Variants in GFM1 observed in about 807,000 individuals in gnomAD.
The protein encoded by GFM1 is G elongation factor mitochondrial 1.
In GFM1, 62 loss-of-function variants were observed where a neutral mutation model predicts 96.2. The observed-to-expected ratio is 0.64, with a 90% CI of 0.53 to 0.80. GFM1 has a LOEUF of 0.80. Among genes scored for constraint, GFM1 ranks in the 30% least tolerant of loss-of-function variants. GFM1 has a pLI of 0.00. For synonymous variants in GFM1, 282 were observed against 312.9 expected, an observed-to-expected ratio of 0.90 and a Z score of 1.04; for missense variants, 852 against 916.6, an observed-to-expected ratio of 0.93 and a Z score of 0.91.
chr3:158,667,077 A>G (rs1216326702), intron 13 of GFM1: 2 of 1,577,304 alleles, frequency 1.3e-6, no homozygotes, highest in Non-Finnish European at 1.7e-6. Context: ...TTTCTTTGCT[A>G]TGACAAAAAA....
intron 4 of GFM1, among the ~76,000 whole-genome samples, chr3:158,647,211 T>A (rs960663880): frequency 6.6e-6 from 1 of 152,218 alleles, no homozygotes; most frequent in Non-Finnish European, 1.5e-5. Flanking sequence ...AGTCTGACCG[T>A]TTATACTGTT....
chr3:158,654,450 G>A (rs1256536825), intron 7 of GFM1, 97 bp from the exon 8 acceptor site: 6 of 756,398 alleles, frequency 7.9e-6, no homozygotes, highest in South Asian at 3.1e-5. Flanking sequence ...TCCCACACAC[G>A]TGCTTTTTCT....
chr3:158,647,725 T>C (rs1721946822), intron 4 of GFM1, among the ~76,000 whole-genome samples: 1 of 152,226 alleles, frequency 6.6e-6, no homozygotes, highest in East Asian at 1.9e-4. Context: ...TAAATTGTTT[T>C]TAGTTTTTAT....
Position 158,691,350 on chromosome 3 carries a change from C to T in GFM1, c.2139C>T (p.Tyr713=), listed in dbSNP as rs1380540385. 4 of 1,613,504 alleles carry T rather than the reference C, an allele frequency of 2.5e-6. No individual in the cohort carries two copies. In the South Asian group the frequency reaches 4.4e-5, roughly 18 times the overall value. Residue 713 remains tyrosine, a synonymous_variant, in exon 18 of 18, where the codon TAC becomes TAT. Transcript: ENST00000486715. ...LRSCTEGKGE[Y]TMEYSRYQPC... ...TAAATCCCTAGGGAAAGGGAGAATACACAATGGAGTATAGCAGGTATCAGC... is the reference window on the plus strand; with the variant it reads ...TAAATCCCTAGGGAAAGGGAGAATATACAATGGAGTATAGCAGGTATCAGC...
At chr3:158,666,873 T>C (rs1457672371) in intron 13 of GFM1, 1 of 1,445,498 alleles carries the variant, frequency 6.9e-7, no homozygotes, top group Non-Finnish European at 9.4e-7. Context: ...ATTGCTGCAA[T>C]TATAATATAC....
intron 13 of GFM1, chr3:158,672,590 G>T (rs1724453356): frequency 1.5e-6 from 2 of 1,334,842 alleles, no homozygotes; most frequent in Admixed American, 1.9e-5. Context: ...CGGAAAAGTC[G>T]CAAGCTCCTT....
chr3:158,660,958 A>C lies in GFM1; in HGVS notation c.1306A>C (p.Asn436His), dbSNP rs1204352561. The change falls in exon 10 of 18, where the codon AAC becomes CAC. Residue 436 changes from asparagine to histidine, a missense_variant. Coordinates refer to ENST00000486715, the MANE Select transcript of GFM1 (RefSeq NM_024996.7). ...TGGAGACACATTCACAGACAAAGCC[A>C]ACAGCGGCCTTTCTATGGTAAGCCA... ...ASGDTFTDKA[N>H]SGLSMESIHV... 2 of 1,613,542 alleles carry C rather than the reference A, an allele frequency of 1.2e-6. No individual in the cohort carries two copies. Among genetic ancestry groups the C allele is most frequent in the East Asian group, 4.5e-5 (2 of 44,880 alleles).
intron 8 of GFM1, among the ~76,000 whole-genome samples, chr3:158,657,852 C>G (rs974328489): frequency 6.6e-6 from 1 of 152,062 alleles, no homozygotes; most frequent in African/African-American, 2.4e-5. Context: ...GATTTTTATA[C>G]TGTACTCTGT....
At chr3:158,654,855 C>T (rs1049227924) in intron 8 of GFM1, among the ~76,000 whole-genome samples, 2 of 152,086 alleles carry the variant, frequency 1.3e-5, no homozygotes, top group Non-Finnish European at 2.9e-5. Context: ...AAATTTTTAC[C>T]TAAATCATAC....
At chr3:158,677,533 C>T (rs1471806500) in intron 13 of GFM1, among the ~76,000 whole-genome samples, 1 of 152,130 alleles carries the variant, frequency 6.6e-6, no homozygotes, top group Non-Finnish European at 1.5e-5. Flanking sequence ...TGGAGTTTCA[C>T]TCTGTCGTCC....
intron 15 of GFM1, among the ~76,000 whole-genome samples, chr3:158,688,372 G>A (rs527793945): frequency 6.6e-6 from 1 of 152,290 alleles, no homozygotes; most frequent in East Asian, 1.9e-4. Flanking sequence ...AAATCAGGGA[G>A]TAGATTTAGT....
At chr3:158,684,100 A>C (rs1335748069) in intron 14 of GFM1, among the ~76,000 whole-genome samples, 2 of 152,164 alleles carry the variant, frequency 1.3e-5, no homozygotes, top group Non-Finnish European at 1.5e-5. Flanking sequence ...CTAACACAGG[A>C]ATAAAAAACC....
intron 5 of GFM1, chr3:158,649,871 A>C: frequency 2.9e-6 from 2 of 688,696 alleles, no homozygotes; most frequent in Non-Finnish European, 5.0e-6. Flanking sequence ...CATTTCTGGA[A>C]GGTTTCCAGT....
At chr3:158,672,718 C>A in intron 13 of GFM1, 1 of 421,856 alleles carries the variant, frequency 2.4e-6, no homozygotes, top group Non-Finnish European at 4.4e-6. Context: ...CTACTGCCTG[C>A]AGCGGGCTTC....
At chr3:158,681,920 C>A (rs1021085731) in intron 13 of GFM1, 75 bp from the exon 14 acceptor site, 42 of 1,193,530 alleles carry the variant, frequency 3.5e-5, no homozygotes, top group Non-Finnish European at 4.6e-5. Context: ...CAAATGTGTT[C>A]TTTTAAATTA....
At chr3:158,677,189 C>G (rs1724976809) in intron 13 of GFM1, among the ~76,000 whole-genome samples, 1 of 152,178 alleles carries the variant, frequency 6.6e-6, no homozygotes, top group African/African-American at 2.4e-5. Context: ...TAGCAAACTT[C>G]ATCCATATAA....
chr3:158,675,014 A>C (rs2247915), intron 13 of GFM1, among the ~76,000 whole-genome samples: 151,992 of 152,356 alleles, frequency 1, 75,815 homozygotes, highest in Middle Eastern at 1. Context: ...TACGGCCGGG[A>C]GCAGTGGCTC....
At chr3:158,676,675 A>G (rs1234379732) in intron 13 of GFM1, among the ~76,000 whole-genome samples, 1 of 151,508 alleles carries the variant, frequency 6.6e-6, no homozygotes, top group African/African-American at 2.4e-5. Context: ...ATGTGGAACA[A>G]GTCTATCAGC....
Position 158,644,627 on chromosome 3 carries a change from C to A in GFM1, c.-8C>A, listed in dbSNP as rs763401118. ...CCACGGGACTTTGACGCGTGCTCTG[C>A]GCTTGCCATGAGACTCCTGGGAGCT... On this transcript the variant is annotated 5_prime_UTR_variant, in exon 1 of 18. Transcript: ENST00000486715. 1.0e-5 allele frequency: 16 copies of A among 1,565,840 alleles called. No individual in the cohort carries two copies. The highest frequency in any genetic ancestry group is 1.4e-5 in the Non-Finnish European group (16 of 1,155,816).
Sources: allele counts gnomAD v4.1 joint callset (sites outside exome capture counted in the v4.1 genomes callset), GRCh38; gene constraint gnomAD v4.1.1; transcripts MANE v1.5; gene names NCBI Gene and HGNC (gene_info 2026-07-23, HGNC 2026-07-21).